THRB: variants seen among roughly 807,000 people sequenced by gnomAD.
THRB encodes thyroid hormone receptor beta.
THRB carries 12 observed loss-of-function variants against 47.8 expected under a neutral mutation model. The ratio of observed to expected loss-of-function variants is 0.25; its 90% confidence interval spans 0.16 to 0.41. The LOEUF (loss-of-function observed/expected upper bound fraction) is 0.41, where lower values mean the gene tolerates loss of function less well. THRB is among the 10% of genes least tolerant of loss of function. The probability of loss-of-function intolerance (pLI) is 1.00; values close to 1 mark genes in which losing one functional copy is unlikely to be tolerated. For missense variants in THRB, 348 were observed against 589.2 expected (o/e 0.59, Z 4.24); for synonymous variants, 218 against 212.2 (o/e 1.03, Z -0.24).
At chr3:24,178,251 A>C (rs1259661872) in intron 5 of THRB, among the ~76,000 whole-genome samples, 2 of 152,240 alleles carry the variant, frequency 1.3e-5, no homozygotes, top group Non-Finnish European at 2.9e-5. Flanking sequence ...GCATCATATA[A>C]TTAAATTCAA....
At chr3:24,489,826 C>G (rs1421961150) in intron 1 of THRB, among the ~76,000 whole-genome samples, 3 of 152,050 alleles carry the variant, frequency 2.0e-5, no homozygotes, top group Non-Finnish European at 4.4e-5. Flanking sequence ...GATACTCCCC[C>G]CCACTTGTTT....
At chr3:24,409,479 C>T (rs781773824) in intron 1 of THRB, among the ~76,000 whole-genome samples, 159 of 151,930 alleles carry the variant, frequency 1.0e-3, no homozygotes, top group Non-Finnish European at 1.9e-3. Context: ...CATTCTGGCT[C>T]TGTCATGTGT....
At chr3:24,187,185 T>C (rs1453374203) in intron 5 of THRB, among the ~76,000 whole-genome samples, 1 of 152,202 alleles carries the variant, frequency 6.6e-6, no homozygotes, top group Non-Finnish European at 1.5e-5. Flanking sequence ...ACTAACTGTC[T>C]ATATCCTGTT....
At chr3:24,140,312 C>A (rs73035943) in intron 8 of THRB, among the ~76,000 whole-genome samples, 2,677 of 152,246 alleles carry the variant, frequency 0.018, 33 homozygotes, top group Middle Eastern at 0.031. Flanking sequence ...CAAACTAACC[C>A]CAAACTTTGT....
At chr3:24,456,502 A>G (rs1561076) in intron 1 of THRB, among the ~76,000 whole-genome samples, 37,447 of 151,798 alleles carry the variant, frequency 0.25, 5,745 homozygotes, top group East Asian at 0.36. Flanking sequence ...ATAGTAATAA[A>G]TATGTTTAAC....
intron 4 of THRB, among the ~76,000 whole-genome samples, chr3:24,212,830 G>C (rs530669630): frequency 6.6e-6 from 1 of 152,260 alleles, no homozygotes; most frequent in African/African-American, 2.4e-5. Flanking sequence ...TCAGTTACTG[G>C]ATTCCTCTGT....
Position 24,425,890 on chromosome 3 carries a change from T to C in THRB, c.-261+68762A>G, listed in dbSNP as rs368487555. ...CAAAAATAACCTCTACCTCATATGATGACTATGAGAAACGATAAGTGTAAG... is the reference window on the plus strand; with the variant it reads ...CAAAAATAACCTCTACCTCATATGACGACTATGAGAAACGATAAGTGTAAG... On this transcript the variant is annotated intron_variant, in intron 1 of 10. Coordinates refer to ENST00000646209, the MANE Select transcript of THRB (RefSeq NM_001354712.2). 1.1e-4 allele frequency among the ~76,000 whole-genome samples: 16 copies of C among 151,948 alleles called. No individual in the cohort carries two copies. In the East Asian group the frequency reaches 1.2e-3, roughly 11 times the overall value.
intron 1 of THRB, among the ~76,000 whole-genome samples, chr3:24,416,803 A>C (rs1311092714): frequency 6.6e-6 from 1 of 151,802 alleles, no homozygotes; most frequent in African/African-American, 2.4e-5. Context: ...CACAGAATCA[A>C]TCTCCTAAGG....
intron 1 of THRB, among the ~76,000 whole-genome samples, chr3:24,346,804 A>G (rs1360416341): frequency 6.6e-6 from 1 of 152,018 alleles, no homozygotes; most frequent in African/African-American, 2.4e-5. Context: ...CTAGAAAAAG[A>G]GATAAGAAAA....
At chr3:24,365,785 T>C (rs1007679217) in intron 1 of THRB, among the ~76,000 whole-genome samples, 2 of 152,208 alleles carry the variant, frequency 1.3e-5, no homozygotes, top group African/African-American at 4.8e-5. Flanking sequence ...TTATGCCTTA[T>C]ATTTCCTTCC....
chr3:24,242,419 A>G (rs1351454940), intron 3 of THRB, among the ~76,000 whole-genome samples: 7 of 152,144 alleles, frequency 4.6e-5, no homozygotes, highest in Non-Finnish European at 8.8e-5. Context: ...ATGCAACACA[A>G]TAATGTTCTA....
intron 1 of THRB, among the ~76,000 whole-genome samples, chr3:24,353,895 T>TA (rs34665495): frequency 0.012 from 1,862 of 152,172 alleles, 17 homozygotes; most frequent in Non-Finnish European, 0.021. Flanking sequence ...TTGCTAAAAT[T>TA]AAAAAAATCT....
chr3:24,266,059 A>T (rs1355369616), intron 3 of THRB, among the ~76,000 whole-genome samples: 1 of 152,212 alleles, frequency 6.6e-6, no homozygotes, highest in Non-Finnish European at 1.5e-5. Flanking sequence ...TGAAATTTTA[A>T]TCTTCCCTAA....
intron 5 of THRB, among the ~76,000 whole-genome samples, chr3:24,175,302 A>C (rs572931633): frequency 1.3e-5 from 2 of 152,306 alleles, no homozygotes; most frequent in South Asian, 4.1e-4. Flanking sequence ...TTTCCAGTGG[A>C]TGGAACAGTG....
At chr3:24,296,056 ATTTCCACTTAGTTTTCTC>A (rs142275035) in intron 3 of THRB, among the ~76,000 whole-genome samples, 3,120 of 152,234 alleles carry the variant, frequency 0.02, 105 homozygotes, top group African/African-American at 0.071. Context: ...CCTACCCCAA[ATTTCCACTTAGTTTTCTC>A]TTTCCTACAT....
upstream of THRB, chr3:24,495,119 G>A (rs938614437): frequency 6.6e-6 from 1 of 151,872 alleles, no homozygotes; most frequent in Non-Finnish European, 1.5e-5. Flanking sequence ...CCCGCTTCCC[G>A]GGCGCTGTCT....
chr3:24,390,797 A>AAATATATATATATAT (rs5847290), intron 1 of THRB, among the ~76,000 whole-genome samples: 1 of 137,862 alleles, frequency 7.3e-6, no homozygotes. Context: ...AAAAAAAAAA[A>AAATATATATATATAT]ATATATATAT....
chr3:24,433,984 TG>T (rs2070701400), intron 1 of THRB, among the ~76,000 whole-genome samples: 1 of 151,104 alleles, frequency 6.6e-6, no homozygotes, highest in Admixed American at 6.6e-5. Flanking sequence ...AAAGATTATG[TG>T]CTTACTTAGG....
rs540060523 is a variant in THRB, at chr3:24,123,118, C to A, written c.1152G>T (p.Pro384=). ...QAVLLMSSDR[P]GLACVERIEK... is the part of the protein sequence containing the mutation. ...CTATTCTCTCAACACAGGCAAGCCC[C>A]GGGCGATCTGCGGGGAAGAGAGAAG... The change falls in exon 11 of 11, where the codon CCG becomes CCT. Residue 384 remains proline, a synonymous_variant. Transcript: ENST00000646209. 14 of 1,614,090 alleles carry A rather than the reference C, an allele frequency of 8.7e-6. No homozygotes were observed. In the South Asian group the frequency reaches 1.5e-4, roughly 18 times the overall value.
Sources: allele counts gnomAD v4.1 joint callset (sites outside exome capture counted in the v4.1 genomes callset), GRCh38; gene constraint gnomAD v4.1.1; transcripts MANE v1.5; gene names NCBI Gene and HGNC (gene_info 2026-07-23, HGNC 2026-07-21).